Variants in IFT122 observed in about 807,000 individuals in gnomAD.
The protein encoded by IFT122 is intraflagellar transport protein 122 homolog.
IFT122 carries 118 observed loss-of-function variants against 161.6 expected under a neutral mutation model. The ratio of observed to expected loss-of-function variants is 0.73; its 90% CI spans 0.63 to 0.85. The LOEUF is 0.85. Among genes scored for constraint, IFT122 ranks in the 40% least tolerant of loss-of-function variants. The probability of loss-of-function intolerance (pLI) is 0.00; values close to 1 mark genes in which losing one functional copy is unlikely to be tolerated. For missense variants in IFT122, 1,381 were observed against 1,579.6 expected (o/e 0.87, Z 2.13); for synonymous variants, 550 against 602.4 (o/e 0.91, Z 1.27).
intron 19 of IFT122, among the ~76,000 whole-genome samples, chr3:129,501,815 G>A (rs1190357978): frequency 1.3e-5 from 2 of 152,160 alleles, no homozygotes; most frequent in African/African-American, 2.4e-5. Context: ...TCCTTTTTCT[G>A]CTGAGCAGTG....
At chr3:129,504,664 C>T (rs1234546343) in intron 21 of IFT122, among the ~76,000 whole-genome samples, 1 of 152,234 alleles carries the variant, frequency 6.6e-6, no homozygotes. Flanking sequence ...GCCTCCTCTC[C>T]AAGCCTCTGT....
chr3:129,489,091 C>G (rs1173714439), intron 16 of IFT122, among the ~76,000 whole-genome samples: 1 of 152,186 alleles, frequency 6.6e-6, no homozygotes, highest in Non-Finnish European at 1.5e-5. Flanking sequence ...CTCCACTCCC[C>G]TACCCCTTCC....
intron 2 of IFT122, among the ~76,000 whole-genome samples, chr3:129,451,457 A>G (rs1335290844): frequency 6.6e-6 from 1 of 152,124 alleles, no homozygotes. Flanking sequence ...CTCCTACTTG[A>G]AAGCCCAGAG....
chr3:129,468,236 A>AT (rs2077002632), intron 8 of IFT122, among the ~76,000 whole-genome samples: 1 of 152,244 alleles, frequency 6.6e-6, no homozygotes, highest in Admixed American at 6.5e-5. Context: ...CTACATATCC[A>AT]GTGGTGCTAC....
chr3:129,512,156 T>C (rs1484404326), intron 23 of IFT122, among the ~76,000 whole-genome samples, 156 bp from the exon 24 acceptor site: 1 of 152,188 alleles, frequency 6.6e-6, no homozygotes, highest in African/African-American at 2.4e-5. Context: ...GATGAGACAG[T>C]GGCTATATGG....
intron 17 of IFT122, among the ~76,000 whole-genome samples, chr3:129,494,890 G>A (rs528394547): frequency 6.6e-6 from 1 of 152,174 alleles, no homozygotes; most frequent in Admixed American, 6.5e-5. Context: ...TCACTGAGAG[G>A]AATAAAGGGG....
At position 129,482,430 on chromosome 3, in the gene IFT122, C is replaced by A. The variant is rs533304167; in HGVS notation, c.1653+736C>A. Among the ~76,000 whole-genome samples, 9 of 152,274 alleles carry A rather than the reference C, an allele frequency of 5.9e-5. No individual in the cohort carries two copies. The South Asian group carries it at 1.7e-3, about 28-fold the overall frequency. On this transcript the variant is annotated intron_variant, in intron 14 of 29. Coordinates refer to ENST00000348417, the MANE Select transcript of IFT122 (RefSeq NM_052989.3). ...AGTGAAGTTCCCCCCAAAGCTGGAG[C>A]CCCTCCTGACTGGTTTCCTCGGCCA...
chr3:129,456,032 ATGT>A, intron 3 of IFT122: 1 of 446,018 alleles, frequency 2.2e-6, no homozygotes, highest in Non-Finnish European at 4.5e-6. Context: ...GGTCAACTGT[ATGT>A]ACACATGTAC....
chr3:129,503,126 G>A (rs1291757457), intron 20 of IFT122, among the ~76,000 whole-genome samples: 1 of 152,196 alleles, frequency 6.6e-6, no homozygotes, highest in East Asian at 1.9e-4. Flanking sequence ...GCTCTGCCAG[G>A]GTGGTGACAG....
At chr3:129,492,631 C>T (rs1158744218) in intron 17 of IFT122, among the ~76,000 whole-genome samples, 1 of 151,956 alleles carries the variant, frequency 6.6e-6, no homozygotes, top group Admixed American at 6.5e-5. Context: ...CAGAAATGGA[C>T]CTGGGGAGCA....
intron 14 of IFT122, among the ~76,000 whole-genome samples, chr3:129,482,381 A>G (rs1367841236): frequency 6.6e-6 from 1 of 152,108 alleles, no homozygotes; most frequent in Admixed American, 6.5e-5. Flanking sequence ...AGGTCTTTGT[A>G]GGTGGTCAGG....
chr3:129,492,113 T>C, intron 16 of IFT122, 28 bp from the exon 17 acceptor site: 1 of 1,587,820 alleles, frequency 6.3e-7, no homozygotes, highest in Non-Finnish European at 8.6e-7. Flanking sequence ...GAAGACAGCT[T>C]ATTTTATTCT....
At chr3:129,503,121 G>A (rs968363760) in intron 20 of IFT122, among the ~76,000 whole-genome samples, 3 of 152,210 alleles carry the variant, frequency 2.0e-5, no homozygotes, top group African/African-American at 7.2e-5. Context: ...AGCCAGCTCT[G>A]CCAGGGTGGT....
At position 129,509,542 on chromosome 3, in the gene IFT122, A is replaced by C. The variant is rs2082559209; in HGVS notation, c.2886+1780A>C. ...GCTTTATGACCCATTTTGAACTCAA[A>C]TAAGAAAACTGCTTGAATTTGTTTT... On this transcript the variant is annotated intron_variant, in intron 23 of 29. Transcript: ENST00000348417. Among the ~76,000 whole-genome samples the C allele has an allele frequency of 2.6e-5, 4 of 152,386 alleles. No individual in the cohort carries two copies. The South Asian group carries it at 8.3e-4, about 32-fold the overall frequency.
In IFT122 at chr3:129,514,569, C is replaced by A. The variant is rs769329698; in HGVS notation, c.3153+15C>A. 4 of 1,614,126 alleles carry A rather than the reference C, an allele frequency of 2.5e-6. No homozygotes were observed. The highest frequency in any genetic ancestry group is 2.5e-6 in the Non-Finnish European group (3 of 1,180,014). On this transcript the variant is annotated intron_variant, in intron 25 of 29. Transcript: ENST00000348417. Reference sequence around the variant, plus strand: ...ACGACAGTGAGGTGAGGATGCAGCACCCTTGGGCAGGTGGCTTCTCCTCTC... The same window carrying A: ...ACGACAGTGAGGTGAGGATGCAGCAACCTTGGGCAGGTGGCTTCTCCTCTC...
At chr3:129,494,917 T>C (rs1368275711) in intron 17 of IFT122, among the ~76,000 whole-genome samples, 1 of 152,124 alleles carries the variant, frequency 6.6e-6, no homozygotes, top group Non-Finnish European at 1.5e-5. Context: ...GTGTATAAAG[T>C]ATATACCCAG....
chr3:129,454,917 G>T (rs2107973514), intron 3 of IFT122, among the ~76,000 whole-genome samples: 1 of 152,262 alleles, frequency 6.6e-6, no homozygotes, highest in Non-Finnish European at 1.5e-5. Context: ...TCCGCTCAAA[G>T]ATGAGAAAAC....
chr3:129,458,472 T>C lies in IFT122; in HGVS notation c.194-127T>C. The C allele has an allele frequency of 1.5e-5, 12 of 813,556 alleles. No homozygotes were observed. In the South Asian group the frequency reaches 1.7e-4, roughly 12 times the overall value. The allele number at this position is 813,556 out of a possible 1,614,324, so 50.4% of individuals were successfully genotyped here. On this transcript the variant is annotated intron_variant, in intron 3 of 29. Transcript: ENST00000348417. ...ACTCCAAGGTCCTGCCTCCCAGTAC[T>C]GATAAGAACTAGGAAAGAAGCTAAC...
chr3:129,467,261 A>G (rs2076907543), intron 8 of IFT122, among the ~76,000 whole-genome samples, 195 bp downstream of exon 8: 1 of 152,158 alleles, frequency 6.6e-6, no homozygotes, highest in South Asian at 2.1e-4. Context: ...GTGAGAAACT[A>G]TAGGAAATAC....
Sources: gnomAD v4.1 joint callset for allele counts (sites outside exome capture counted in the v4.1 genomes callset) on GRCh38, gnomAD v4.1.1 for gene constraint, MANE v1.5 for transcripts, NCBI Gene and HGNC (gene_info 2026-07-23, HGNC 2026-07-21) for gene names.